Variants in PPIP5K2 observed in about 807,000 individuals in gnomAD.
The protein encoded by PPIP5K2 is diphosphoinositol pentakisphosphate kinase 2.
In PPIP5K2, 105 loss-of-function variants were observed where a neutral mutation model predicts 154.6. The observed-to-expected ratio is 0.68, with a 90% CI of 0.58 to 0.80. PPIP5K2 has a LOEUF of 0.80. PPIP5K2 is among the 30% of genes least tolerant of loss of function. The pLI, the probability that PPIP5K2 is intolerant of heterozygous loss-of-function variation, is 0.00. For missense variants in PPIP5K2, 992 were observed against 1,504.6 expected (o/e 0.66, Z 5.64); for synonymous variants, 480 against 490.3 (o/e 0.98, Z 0.28).
chr5:103,149,902 G>A (rs1794363867), intron 8 of PPIP5K2, among the ~76,000 whole-genome samples: 1 of 151,812 alleles, frequency 6.6e-6, no homozygotes, highest in African/African-American at 2.4e-5. Context: ...TCTCCACGTT[G>A]GCCAGGCTCA....
chr5:103,154,794 A>G, intron 12 of PPIP5K2, 40 bp from the exon 13 acceptor site: 1 of 1,548,878 alleles, frequency 6.5e-7, no homozygotes. Flanking sequence ...TAGTGGTGAA[A>G]TTACATAAAA....
intron 5 of PPIP5K2, among the ~76,000 whole-genome samples, 196 bp from the exon 6 acceptor site, chr5:103,146,331 A>T (rs1793753308): frequency 6.6e-6 from 1 of 152,066 alleles, no homozygotes; most frequent in Non-Finnish European, 1.5e-5. Flanking sequence ...TTGAAGAACT[A>T]TAGCTTTTAA....
chr5:103,198,898 AT>A (rs1475851782), intron 30 of PPIP5K2, among the ~76,000 whole-genome samples: 2 of 151,842 alleles, frequency 1.3e-5, no homozygotes, highest in Non-Finnish European at 2.9e-5. Context: ...CTAATTCAAT[AT>A]TTTTAAGAAT....
Position 103,147,973 on chromosome 5 carries a change from C to T in PPIP5K2, c.685C>T (p.Arg229Ter), listed in dbSNP as rs782783744. Residue 229 changes from arginine to a stop codon, truncating the protein, a stop_gained, in exon 7 of 31, where the codon CGA becomes TGA. Coordinates refer to ENST00000358359, the MANE Select transcript of PPIP5K2 (RefSeq NM_001276277.3). LOFTEE classifies it high-confidence loss of function. ...SSVYSPESNV[R>*]KTGSYIYEEF... ...TGTTTATTCTCCAGAAAGCAATGTA[C>T]GAAAAACAGGCTCATATATATATGA... 2.2e-5 allele frequency: 36 copies of T among 1,602,542 alleles called. No individual in the cohort carries two copies. Among genetic ancestry groups the T allele is most frequent in the East Asian group, 6.7e-5 (3 of 44,494 alleles).
intron 13 of PPIP5K2, 111 bp downstream of exon 13, chr5:103,155,054 T>C (rs1247780321): frequency 1.8e-6 from 1 of 568,952 alleles, no homozygotes; most frequent in Non-Finnish European, 2.8e-6. Context: ...TTACTCTTTG[T>C]TACTATAGTT....
chr5:103,203,491 C>A lies in PPIP5K2; in HGVS notation c.*1857C>A, dbSNP rs1554231370. The A allele has an allele frequency of 6.6e-6, 1 of 152,090 alleles. No individual in the cohort carries two copies. Among genetic ancestry groups the A allele is most frequent in the Non-Finnish European group, 1.5e-5 (1 of 68,012 alleles). 9.4% of individuals were successfully genotyped at this position (152,090 alleles called of 1,614,324 possible). ...TTTGTAAAAATCTTAGAATCACTTT[C>A]CAAAACAAATAAAAAGTCTACTGTA... On this transcript the variant is annotated 3_prime_UTR_variant, in exon 31 of 31. Transcript: ENST00000358359.
chr5:103,165,754 C>A (rs1413081363), intron 17 of PPIP5K2, among the ~76,000 whole-genome samples: 7 of 152,052 alleles, frequency 4.6e-5, no homozygotes, highest in Admixed American at 4.6e-4. Flanking sequence ...AGATGAAGCC[C>A]TCAAAGGCAG....
At position 103,147,827 on chromosome 5, in the gene PPIP5K2, T is replaced by A. The variant is rs7700471; in HGVS notation, c.643-104T>A. The A allele has an allele frequency of 7.3e-3, 5,059 of 692,498 alleles. 189 individuals carry two copies. In the African/African-American group the frequency reaches 0.083, roughly 11 times the overall value. 42.9% of individuals were successfully genotyped at this position (692,498 alleles called of 1,614,324 possible). On this transcript the variant is annotated intron_variant, in intron 6 of 30. Transcript: ENST00000358359. ...GTGGATTAAAAAATGTATTTGAAAATGTCTAAGATGGAAATAGATGGTAAA... is the reference window on the plus strand; with the variant it reads ...GTGGATTAAAAAATGTATTTGAAAAAGTCTAAGATGGAAATAGATGGTAAA...
intron 29 of PPIP5K2, among the ~76,000 whole-genome samples, chr5:103,194,250 C>T (rs1801705870): frequency 6.6e-6 from 1 of 151,860 alleles, no homozygotes; most frequent in Admixed American, 6.6e-5. Flanking sequence ...ACACTACAGC[C>T]TCAACCTTCC....
chr5:103,170,438 A>G (rs930845562), intron 19 of PPIP5K2, among the ~76,000 whole-genome samples: 9 of 151,512 alleles, frequency 5.9e-5, no homozygotes, highest in Non-Finnish European at 8.9e-5. Context: ...TTTTTCTCGG[A>G]TAAGTTATTT....
At chr5:103,178,512 A>G (rs1799047102) in intron 23 of PPIP5K2, among the ~76,000 whole-genome samples, 1 of 151,782 alleles carries the variant, frequency 6.6e-6, no homozygotes, top group Non-Finnish European at 1.5e-5. Flanking sequence ...AAATATTGAT[A>G]TTGAGTATAG....
chr5:103,165,553 C>T (rs1400709477), intron 17 of PPIP5K2, among the ~76,000 whole-genome samples: 2 of 151,978 alleles, frequency 1.3e-5, no homozygotes, highest in South Asian at 4.1e-4. Flanking sequence ...TTGAAGAGAG[C>T]CCCTGCGAGG....
intron 29 of PPIP5K2, among the ~76,000 whole-genome samples, chr5:103,194,540 AG>A (rs1355149645): frequency 2.0e-5 from 3 of 152,122 alleles, no homozygotes; most frequent in Admixed American, 1.3e-4. Flanking sequence ...ACGCCTGGTG[AG>A]GGGATTACTG....
In PPIP5K2 at chr5:103,211,519, G is replaced by A. The variant is rs555283810; in HGVS notation, c.*9885G>A. 9 of 152,164 alleles carry A rather than the reference G, an allele frequency of 5.9e-5. No individual in the cohort carries two copies. The highest frequency in any genetic ancestry group is 2.2e-4 in the African/African-American group (9 of 41,530). 9.4% of individuals were successfully genotyped at this position (152,164 alleles called of 1,614,324 possible). A position where few individuals can be genotyped will look rare whatever the true frequency, so the allele number is the denominator to read the frequency against. On this transcript the variant is annotated 3_prime_UTR_variant, in exon 31 of 31. Coordinates refer to ENST00000358359, the MANE Select transcript of PPIP5K2 (RefSeq NM_001276277.3). ...TAGTGTTTGTAATGTTAGCCTTGGA[G>A]ATTCTACCTTAAAAATATCATTGAG...
Position 103,120,807 on chromosome 5 carries a change from T to G in PPIP5K2, c.-285+319T>G, listed in dbSNP as rs897720733. 3.7e-5 allele frequency: 10 copies of G among 273,232 alleles called. No individual in the cohort carries two copies. In the Admixed American group the frequency reaches 4.1e-4, roughly 11 times the overall value. The allele number at this position is 273,232 out of a possible 1,614,324, so 16.9% of individuals were successfully genotyped here. A position where few individuals can be genotyped will look rare whatever the true frequency, so the allele number is the denominator to read the frequency against. The stretch of plus-strand genomic sequence containing the variant: ...TACCCCACGCTGTGCCTGGCTCCAC[T>G]GAAGTGATTAGCCTCGAGTTATGGG... On this transcript the variant is annotated intron_variant, in intron 1 of 30. Transcript: ENST00000358359.
At chr5:103,193,737 G>C (rs1343650543) in intron 29 of PPIP5K2, among the ~76,000 whole-genome samples, 1 of 152,110 alleles carries the variant, frequency 6.6e-6, no homozygotes, top group Non-Finnish European at 1.5e-5. Context: ...CATTGTAGGT[G>C]TCAACCAGCA....
chr5:103,201,558 C>A lies in PPIP5K2; in HGVS notation c.3656C>A (p.Thr1219Asn), dbSNP rs374837800. 14 of 1,608,158 alleles carry A rather than the reference C, an allele frequency of 8.7e-6. No individual in the cohort carries two copies. Among genetic ancestry groups the A allele is most frequent in the Middle Eastern group, 1.7e-4 (1 of 6,022 alleles). Residue 1219 changes from threonine (T) to asparagine (N), a missense_variant, in exon 31 of 31, where the codon ACC becomes AAC. Thr to Asn is a moderately conservative substitution (Grantham distance 65). This residue lies in a region of PPIP5K2 where 131 missense variants were observed against 117.8 expected (regional missense o/e 1.11). Coordinates refer to ENST00000358359, the MANE Select transcript of PPIP5K2 (RefSeq NM_001276277.3). ...SGPSSAVVPN[T>N]SSRKKNITSK... is the part of the protein sequence containing the mutation. ...CCTTCTAGTGCAGTTGTTCCTAATA[C>A]CTCATCTCGGAAAAAGAATATAACT...
rs200496235 is a variant in PPIP5K2, at chr5:103,174,224, A to G, written c.2529+252A>G. 23 of 317,752 alleles carry G rather than the reference A, an allele frequency of 7.2e-5. No homozygotes were observed. In the East Asian group the frequency reaches 1.5e-3, roughly 20 times the overall value. 19.7% of individuals were successfully genotyped at this position (317,752 alleles called of 1,614,324 possible). A position where few individuals can be genotyped will look rare whatever the true frequency, so the allele number is the denominator to read the frequency against. On this transcript the variant is annotated intron_variant, in intron 21 of 30. Transcript: ENST00000358359. The stretch of plus-strand genomic sequence containing the variant: ...GGTGATTTTATAGACTGGTGGCAGT[A>G]AAGAGTAGCCTGATGAATTTGAGTC...
Position 103,208,853 on chromosome 5 carries a change from T to C in PPIP5K2, c.*7219T>C, listed in dbSNP as rs1803652840. The C allele has an allele frequency of 1.3e-5, 2 of 152,312 alleles. No homozygotes were observed. The highest frequency in any genetic ancestry group is 2.4e-5 in the African/African-American group (1 of 41,576). 9.4% of individuals were successfully genotyped at this position (152,312 alleles called of 1,614,324 possible). ...TTGGGGTTGAGGTTAAAGTGTCTTCTAGTTTTGTTGAAGATAGTTTATGTT... is the reference window on the plus strand; with the variant it reads ...TTGGGGTTGAGGTTAAAGTGTCTTCCAGTTTTGTTGAAGATAGTTTATGTT... On this transcript the variant is annotated 3_prime_UTR_variant, in exon 31 of 31. Coordinates refer to ENST00000358359, the MANE Select transcript of PPIP5K2 (RefSeq NM_001276277.3).
Sources: gnomAD v4.1 joint callset for allele counts (sites outside exome capture counted in the v4.1 genomes callset) on GRCh38, gnomAD v4.1.1 for gene constraint, gnomAD v4.1.1 regional missense constraint, MANE v1.5 for transcripts, NCBI Gene and HGNC (gene_info 2026-07-23, HGNC 2026-07-21) for gene names.